The following USP54 variants were observed in gnomAD, a reference collection of about 807,000 sequenced individuals.
USP54 encodes the protein ubiquitin carboxyl-terminal hydrolase 54.
A neutral mutation model predicts 170.5 loss-of-function variants in USP54; 87 were observed. That is an observed-to-expected ratio of 0.51 (90% CI 0.43 to 0.61). The LOEUF is 0.61. Ranked by LOEUF, USP54 falls within the 20% of genes least tolerant of loss-of-function variation. The pLI is 0.00. For missense variants in USP54, 1,786 were observed against 2,047.8 expected, an observed-to-expected ratio of 0.87 and a Z score of 2.47; for synonymous variants, 655 against 742.8, an observed-to-expected ratio of 0.88 and a Z score of 1.92.
intron 1 of USP54, among the ~76,000 whole-genome samples, chr10:73,582,997 C>T (rs1201507703): frequency 6.6e-6 from 1 of 152,192 alleles, no homozygotes; most frequent in Non-Finnish European, 1.5e-5. Context: ...ACAATTATTT[C>T]TGTGGTATTC....
intron 9 of USP54, among the ~76,000 whole-genome samples, chr10:73,540,712 A>G (rs901363039): frequency 1.3e-5 from 2 of 152,192 alleles, no homozygotes; most frequent in Non-Finnish European, 2.9e-5. Context: ...CTCCCACCTC[A>G]GCCTCCTGAG....
chr10:73,533,233 G>C (rs2064412287), intron 12 of USP54, among the ~76,000 whole-genome samples: 1 of 152,096 alleles, frequency 6.6e-6, no homozygotes, highest in South Asian at 2.1e-4. Context: ...ATGAACCTGG[G>C]AGGTGGAGAT....
chr10:73,517,809 G>A, intron 19 of USP54, 62 bp from the exon 20 acceptor site: 1 of 1,518,836 alleles, frequency 6.6e-7, no homozygotes. Flanking sequence ...CTTACAGAAA[G>A]AACTCAACAT....
At chr10:73,543,857 C>G (rs530621998) in intron 5 of USP54, among the ~76,000 whole-genome samples, 1 of 152,192 alleles carries the variant, frequency 6.6e-6, no homozygotes, top group South Asian at 2.1e-4. Context: ...CAAACCTAAC[C>G]CTAACCTGTG....
intron 4 of USP54, among the ~76,000 whole-genome samples, chr10:73,568,835 C>G (rs1012421127): frequency 6.6e-6 from 1 of 152,196 alleles, no homozygotes; most frequent in African/African-American, 2.4e-5. Flanking sequence ...CTCAGCCCAA[C>G]AAATTGACAA....
intron 1 of USP54, among the ~76,000 whole-genome samples, chr10:73,590,858 T>C (rs2078165054): frequency 6.6e-6 from 1 of 152,222 alleles, no homozygotes; most frequent in Non-Finnish European, 1.5e-5. Flanking sequence ...CTCTTTTTTC[T>C]TCATTACTAC....
Position 73,539,481 on chromosome 10 carries a change from C to A in USP54, c.938G>T (p.Arg313Leu). 1 of 1,609,636 alleles carries A rather than the reference C, an allele frequency of 6.2e-7. No homozygotes were observed. Among genetic ancestry groups the A allele is most frequent in the Non-Finnish European group, 8.5e-7 (1 of 1,177,236 alleles). Residue 313 changes from arginine to leucine, a missense_variant, in exon 10 of 24, where the codon CGC (arginine) becomes CTC (leucine). Coordinates refer to ENST00000687698, the MANE Select transcript of USP54 (RefSeq NM_001391956.1). ...AGCATCATCAAAATACATCCATTTG[C>A]GAATCTTTGTTTGAAAAAAGAATGT... ...YSTFFFQTKIRKWMYFDDAHV... is the reference protein window; with the variant it reads ...YSTFFFQTKILKWMYFDDAHV...
At chr10:73,608,286 G>A (rs967759936) in intron 1 of USP54, among the ~76,000 whole-genome samples, 1 of 151,844 alleles carries the variant, frequency 6.6e-6, no homozygotes, top group African/African-American at 2.4e-5. Context: ...AAAAAAAACA[G>A]TTATTCAGAC....
In USP54 at chr10:73,526,710, T is replaced by C. The variant is rs750715188; in HGVS notation, c.2131A>G (p.Ser711Gly). The C allele has an allele frequency of 7.4e-6, 12 of 1,614,066 alleles. No individual in the cohort carries two copies. Among genetic ancestry groups the C allele is most frequent in the Non-Finnish European group, 9.3e-6 (11 of 1,180,040 alleles). The change falls in exon 16 of 24, where the codon AGC becomes GGC. Residue 711 changes from serine (S) to glycine (G), a missense_variant. Physicochemically the swap from Ser to Gly is moderately conservative, Grantham distance 56. Around this residue, in one of 3 missense-constraint regions of USP54, gnomAD observed 1,418 missense variants for 1,569.0 expected, o/e 0.90. Coordinates refer to ENST00000687698, the MANE Select transcript of USP54 (RefSeq NM_001391956.1). ...WRHIPKSHSS[S>G]ILEVDSTASM... Reference sequence around the variant, plus strand: ...GCTGTGGAGTCTACCTCCAGGATGCTACTGCTGTGCGACTTTGGGATATGA... The same window carrying C: ...GCTGTGGAGTCTACCTCCAGGATGCCACTGCTGTGCGACTTTGGGATATGA...
At chr10:73,547,897 A>C (rs1293186821) in intron 4 of USP54, among the ~76,000 whole-genome samples, 1 of 152,326 alleles carries the variant, frequency 6.6e-6, no homozygotes, top group South Asian at 2.1e-4. Context: ...TAATTAAACT[A>C]AAGAGCTTCT....
intron 4 of USP54, among the ~76,000 whole-genome samples, chr10:73,565,165 A>C (rs533921114): frequency 6.6e-6 from 1 of 152,242 alleles, no homozygotes; most frequent in African/African-American, 2.4e-5. Flanking sequence ...AATGAGAAAT[A>C]AATCTTTGGT....
chr10:73,545,423 AG>A, intron 5 of USP54, 114 bp downstream of exon 5: 2 of 1,335,012 alleles, frequency 1.5e-6, no homozygotes, highest in Non-Finnish European at 1.0e-6. Flanking sequence ...GAAAACTCCT[AG>A]TTCTAACTGT....
At position 73,539,523 on chromosome 10, in the gene USP54, T is replaced by C. The variant is rs2066103354; in HGVS notation, c.896A>G (p.Tyr299Cys). The change falls in exon 10 of 24, where the codon TAT (tyrosine) becomes TGT (cysteine). Residue 299 changes from tyrosine to cysteine, a missense_variant. Physicochemically the swap from Tyr to Cys is radical, Grantham distance 194 (BLOSUM62 -2). Around this residue, in one of 3 missense-constraint regions of USP54, gnomAD observed 361 missense variants for 455.0 expected, o/e 0.79. Transcript: ENST00000687698. Reference sequence around the variant, plus strand: ...AAAGAATGTAGAATAATGTTTGCCATAGTAACAGATCATTCCAACTAAGTA... The same window carrying C: ...AAAGAATGTAGAATAATGTTTGCCACAGTAACAGATCATTCCAACTAAGTA... ...ELYLVGMICY[Y>C]GKHYSTFFFQ... is the part of the protein sequence containing the mutation. 6.2e-7 allele frequency: 1 copy of C among 1,612,390 alleles called. No individual in the cohort carries two copies. Among genetic ancestry groups the C allele is most frequent in the Non-Finnish European group, 8.5e-7 (1 of 1,178,898 alleles).
chr10:73,540,564 C>T (rs905164176), intron 9 of USP54, among the ~76,000 whole-genome samples: 2 of 152,112 alleles, frequency 1.3e-5, no homozygotes, highest in African/African-American at 4.8e-5. Flanking sequence ...AGCAAGACTC[C>T]ATCTCAAAAA....
At chr10:73,524,559 G>T (rs1413949000) in intron 16 of USP54, among the ~76,000 whole-genome samples, 2 of 152,044 alleles carry the variant, frequency 1.3e-5, no homozygotes. Context: ...CAGCCTGGGA[G>T]ACAAGAGCAA....
intron 1 of USP54, among the ~76,000 whole-genome samples, chr10:73,622,159 A>T (rs2081143797): frequency 6.6e-6 from 1 of 152,144 alleles, no homozygotes; most frequent in African/African-American, 2.4e-5. Flanking sequence ...GAACTTTTTA[A>T]GCCTTGGTTT....
intron 1 of USP54, among the ~76,000 whole-genome samples, chr10:73,577,166 C>T (rs549343180): frequency 6.6e-6 from 1 of 152,354 alleles, no homozygotes; most frequent in Non-Finnish European, 1.5e-5. Flanking sequence ...TGTCCATCTA[C>T]ATAAGGAAAA....
At chr10:73,518,983 C>T (rs556588475) in intron 19 of USP54, 1 of 151,914 alleles carries the variant, frequency 6.6e-6, no homozygotes, top group African/African-American at 2.4e-5. Flanking sequence ...CTCGGCCTCC[C>T]AAAATTCTGG....
chr10:73,569,991 A>AT (rs1564868570), intron 4 of USP54, among the ~76,000 whole-genome samples: 2 of 150,724 alleles, frequency 1.3e-5, no homozygotes, highest in African/African-American at 4.9e-5. Context: ...AGTTATTGCA[A>AT]ATAACTAATA....
Sources: gnomAD v4.1 joint callset for allele counts (sites outside exome capture counted in the v4.1 genomes callset) on GRCh38, gnomAD v4.1.1 for gene constraint, gnomAD v4.1.1 regional missense constraint, MANE v1.5 for transcripts, NCBI Gene and HGNC (gene_info 2026-07-23, HGNC 2026-07-21) for gene names.